Variants in BMAL2 observed in about 807,000 individuals in gnomAD.
BMAL2 encodes basic helix-loop-helix ARNT like 2, also known as basic helix-loop-helix ARNT-like protein 2.
chr12:27,349,931 G>A, the BMAL2 span, among the ~76,000 whole-genome samples: 1 of 152,272 alleles, frequency 6.6e-6, no homozygotes, highest in South Asian at 2.1e-4. Context: ...CAGAGGTGGC[G>A]AGCTCCTCAT....
At chr12:27,387,595 G>A in the BMAL2 span, among the ~76,000 whole-genome samples, 1 of 152,144 alleles carries the variant, frequency 6.6e-6, no homozygotes, top group Non-Finnish European at 1.5e-5. Flanking sequence ...TGTCTCTCAA[G>A]ATGTAAAGAC....
the BMAL2 span, chr12:27,390,007 A>G: frequency 2.0e-6 from 3 of 1,489,138 alleles, no homozygotes; most frequent in Non-Finnish European, 2.8e-6. Context: ...TCTCAATAAT[A>G]GATGGTCAGA....
the BMAL2 span, chr12:27,394,522 T>C: frequency 1.3e-5 from 2 of 152,196 alleles, no homozygotes; most frequent in African/African-American, 4.8e-5. Flanking sequence ...ACAATCCTCT[T>C]GTCCTTTGTT....
At chr12:27,400,096 C>A in the BMAL2 span, among the ~76,000 whole-genome samples, 1 of 151,942 alleles carries the variant, frequency 6.6e-6, no homozygotes. Context: ...AGAATGTATG[C>A]ATAATTATTT....
the BMAL2 span, among the ~76,000 whole-genome samples, chr12:27,335,975 A>G: frequency 1.3e-4 from 20 of 152,204 alleles, no homozygotes; most frequent in African/African-American, 4.8e-4. Context: ...TCTAAAAAGC[A>G]TGATGTTCTG....
chr12:27,354,406 G>A, the BMAL2 span, among the ~76,000 whole-genome samples: 3 of 152,062 alleles, frequency 2.0e-5, no homozygotes, highest in African/African-American at 7.2e-5. Flanking sequence ...AATAGACATC[G>A]GGGCCTACTT....
chr12:27,400,786 C>A, the BMAL2 span: 2 of 1,589,172 alleles, frequency 1.3e-6, no homozygotes, highest in Admixed American at 1.7e-5. Context: ...TAAACATTTA[C>A]ATGTTATAAT....
chr12:27,385,895 C>T, the BMAL2 span, among the ~76,000 whole-genome samples: 1 of 152,078 alleles, frequency 6.6e-6, no homozygotes, highest in African/African-American at 2.4e-5. Context: ...CCTGTTCCCT[C>T]AGGATCCTGT....
At chr12:27,411,258 G>A in the BMAL2 span, among the ~76,000 whole-genome samples, 1 of 152,050 alleles carries the variant, frequency 6.6e-6, no homozygotes, top group Admixed American at 6.5e-5. Flanking sequence ...CTCCCAGGCA[G>A]CTGGGACTAC....
the BMAL2 span, among the ~76,000 whole-genome samples, chr12:27,362,617 AC>A: frequency 6.6e-6 from 1 of 151,972 alleles, no homozygotes; most frequent in African/African-American, 2.4e-5. Context: ...TGTCTTAACT[AC>A]CCCCTTGCTT....
chr12:27,406,978 G>C, the BMAL2 span, among the ~76,000 whole-genome samples: 1 of 152,054 alleles, frequency 6.6e-6, no homozygotes, highest in African/African-American at 2.4e-5. Context: ...AACCAATAAA[G>C]ATCAAAAGAG....
the BMAL2 span, chr12:27,421,373 C>T: frequency 6.6e-6 from 1 of 152,202 alleles, no homozygotes; most frequent in East Asian, 1.9e-4. Context: ...TGGTGAAACC[C>T]CGTTTCTACT....
At chr12:27,340,455 A>G in the BMAL2 span, among the ~76,000 whole-genome samples, 10 of 151,988 alleles carry the variant, frequency 6.6e-5, no homozygotes, top group African/African-American at 9.7e-5. Flanking sequence ...TTCTGTTCCA[A>G]TAGTCTATAT....
chr12:27,359,205 T>C, the BMAL2 span, among the ~76,000 whole-genome samples: 1 of 152,320 alleles, frequency 6.6e-6, no homozygotes, highest in South Asian at 2.1e-4. Context: ...TGGTAGAAAG[T>C]ACGCCTCCTT....
At chr12:27,421,642 T>G in the BMAL2 span, 1 of 151,996 alleles carries the variant, frequency 6.6e-6, no homozygotes, top group Non-Finnish European at 1.5e-5. Flanking sequence ...AAAAAAAGAT[T>G]TAATATAATC....
At chr12:27,410,422 A>G in the BMAL2 span, among the ~76,000 whole-genome samples, 1 of 152,262 alleles carries the variant, frequency 6.6e-6, no homozygotes, top group Non-Finnish European at 1.5e-5. Context: ...GCCATAAAAA[A>G]TGATGAGTTC....
chr12:27,397,439 C>T, the BMAL2 span, among the ~76,000 whole-genome samples: 2 of 152,088 alleles, frequency 1.3e-5, no homozygotes, highest in African/African-American at 4.8e-5. Context: ...GTTTTTCTTC[C>T]CTTTTACCAT....
the BMAL2 span, chr12:27,402,755 G>A: frequency 1.5e-6 from 2 of 1,319,506 alleles, no homozygotes; most frequent in Non-Finnish European, 2.1e-6. Flanking sequence ...TTCTGTCCTG[G>A]AGAGGGGAAA....
the BMAL2 span, among the ~76,000 whole-genome samples, chr12:27,350,658 A>G: frequency 9.2e-5 from 14 of 152,194 alleles, no homozygotes; most frequent in Non-Finnish European, 2.1e-4. Flanking sequence ...TGTGAATAAC[A>G]CAAGAAAACT....
Sources: gnomAD v4.1 joint callset for allele counts (sites outside exome capture counted in the v4.1 genomes callset) on GRCh38, gnomAD v4.1.1 for gene constraint, MANE v1.5 for transcripts, NCBI Gene and HGNC (gene_info 2026-07-23, HGNC 2026-07-21) for gene names.